TAFA2: variants seen among roughly 807,000 people sequenced by gnomAD.
TAFA2 encodes TAFA chemokine like family member 2, also known as chemokine-like protein TAFA-2.
In TAFA2, 7 loss-of-function variants were observed where a neutral mutation model predicts 18.8. The ratio of observed to expected loss-of-function variants is 0.37; its 90% CI spans 0.21 to 0.70. The LOEUF is 0.70. TAFA2 is among the 30% of genes least tolerant of loss of function. The pLI is 0.53. For synonymous variants in TAFA2, 60 were observed against 54.2 expected (o/e 1.11, Z -0.47); for missense variants, 122 against 158.1 (o/e 0.77, Z 1.23).
chr12:61,951,760 T>C (rs1878475489), intron 1 of TAFA2, among the ~76,000 whole-genome samples: 3 of 152,100 alleles, frequency 2.0e-5, no homozygotes, highest in South Asian at 4.1e-4. Context: ...TACACAAAGC[T>C]AACAATGTGC....
Position 62,101,516 on chromosome 12 carries a change from T to C in TAFA2, c.-2+89743A>G, listed in dbSNP as rs563863347. Among the ~76,000 whole-genome samples, 4 of 152,314 alleles carry C rather than the reference T, an allele frequency of 2.6e-5. No homozygotes were observed. In the East Asian group the frequency reaches 7.7e-4, roughly 29 times the overall value. On this transcript the variant is annotated intron_variant, in intron 1 of 4. Transcript: ENST00000416284. ...TCCATAAGCCCAAACGTAACTCTTA[T>C]TCAGAAAGGTAAACACTGTAGAGTT...
intron 1 of TAFA2, among the ~76,000 whole-genome samples, chr12:62,240,775 G>A (rs2136989551): frequency 6.6e-6 from 1 of 152,294 alleles, no homozygotes; most frequent in South Asian, 2.1e-4. Flanking sequence ...CCAGACTGCA[G>A]AGCAGGAAGT....
At chr12:61,861,006 A>G (rs1199980188) in intron 2 of TAFA2, among the ~76,000 whole-genome samples, 1 of 152,180 alleles carries the variant, frequency 6.6e-6, no homozygotes, top group Non-Finnish European at 1.5e-5. Context: ...GCTGGAGTGC[A>G]GTGGTACAAT....
chr12:62,239,813 T>C (rs768945759), intron 1 of TAFA2, among the ~76,000 whole-genome samples: 16 of 152,198 alleles, frequency 1.1e-4, no homozygotes, highest in Non-Finnish European at 1.9e-4. Context: ...CCCCATCTGA[T>C]GCTGCATGAA....
In TAFA2 at chr12:62,254,326, T is replaced by C. The variant is rs572375897; in HGVS notation, c.-130+4437A>G. Among the ~76,000 whole-genome samples the C allele has an allele frequency of 1.5e-4, 23 of 152,340 alleles. 2 individuals are homozygous for C. In the South Asian group the frequency reaches 4.6e-3, roughly 30 times the overall value. ...TAAAAGAAGTCTAGTATCACTATTT[T>C]ACAGATGAGAAAACTAATGTTTCCA... On this transcript the variant is annotated intron_variant, in intron 1 of 5. Transcript: ENST00000551619.
chr12:62,028,312 A>G (rs547179221), intron 1 of TAFA2, among the ~76,000 whole-genome samples: 1 of 152,280 alleles, frequency 6.6e-6, no homozygotes, highest in East Asian at 1.9e-4. Flanking sequence ...AGAACCAGCT[A>G]GACCCGTGAC....
intron 2 of TAFA2, among the ~76,000 whole-genome samples, chr12:61,784,665 G>C (rs1041073412): frequency 4.0e-5 from 6 of 148,914 alleles, no homozygotes; most frequent in African/African-American, 1.2e-4. Flanking sequence ...CTAAGTAGGA[G>C]TTTTGATGTA....
intron 1 of TAFA2, among the ~76,000 whole-genome samples, chr12:62,002,602 A>T (rs1880415548): frequency 6.6e-6 from 1 of 152,108 alleles, no homozygotes; most frequent in African/African-American, 2.4e-5. Context: ...ATTTCCACTT[A>T]TTGCTTGACA....
chr12:61,904,909 G>A (rs1317274824), intron 1 of TAFA2, among the ~76,000 whole-genome samples: 2 of 152,096 alleles, frequency 1.3e-5, no homozygotes, highest in African/African-American at 4.8e-5. Context: ...TCAATAAAAT[G>A]TTACAAAAAT....
intron 2 of TAFA2, among the ~76,000 whole-genome samples, chr12:61,847,203 C>CA (rs1170119531): frequency 6.6e-6 from 1 of 152,224 alleles, no homozygotes; most frequent in Non-Finnish European, 1.5e-5. Context: ...CACATGCACA[C>CA]ATTTTGTCCC....
intron 4 of TAFA2, among the ~76,000 whole-genome samples, chr12:61,742,573 T>C (rs985619624): frequency 3.3e-5 from 5 of 152,126 alleles, no homozygotes; most frequent in Non-Finnish European, 5.9e-5. Context: ...TGTTAAAATG[T>C]CTTTGACGCT....
rs547581214 is a variant in TAFA2 at position 62,018,661 on chromosome 12, A to T, written c.-1-151235T>A. Among the ~76,000 whole-genome samples the T allele has an allele frequency of 5.9e-5, 9 of 152,336 alleles. No homozygotes were observed. In the East Asian group the frequency reaches 1.5e-3, roughly 26 times the overall value. ...ACTGGATCCCTTCCTTACACCTTAT[A>T]CAAAAATTAATTCAAGATGGATTAA... On this transcript the variant is annotated intron_variant, in intron 1 of 4. Transcript: ENST00000416284.
chr12:61,735,153 C>G (rs1000760667), intron 4 of TAFA2, among the ~76,000 whole-genome samples: 1 of 152,114 alleles, frequency 6.6e-6, no homozygotes, highest in East Asian at 1.9e-4. Context: ...ATGTGGTTTC[C>G]TCCTGAGGAA....
intron 2 of TAFA2, among the ~76,000 whole-genome samples, chr12:61,797,949 A>T (rs1182206816): frequency 6.6e-6 from 1 of 152,192 alleles, no homozygotes; most frequent in Non-Finnish European, 1.5e-5. Flanking sequence ...GTGTCTACTC[A>T]TATAGAAATG....
rs1882072087 is a variant in TAFA2 at position 62,052,182 on chromosome 12, ATGTGTGCATGCGTGCG to A, written c.-2+139061_-2+139076del. On this transcript the variant is annotated intron_variant, in intron 1 of 4. Transcript: ENST00000416284. Reference sequence around the variant, plus strand: ...CCTTCTCCTTCTTTTGTGTGTGTGCATGTGTGCATGCGTGCGTGTGTGCATGTGTGTGTGAGAGAGA... The same window carrying A: ...CCTTCTCCTTCTTTTGTGTGTGTGCATGTGTGCATGTGTGTGTGAGAGAGA... Among the ~76,000 whole-genome samples, 3 of 50,884 alleles carry A rather than the reference ATGTGTGCATGCGTGCG, an allele frequency of 5.9e-5. No individual in the cohort carries two copies. The South Asian group carries it at 1.5e-3, about 26-fold the overall frequency. The allele number at this position is 50,884 out of a possible 152,430, so 33.4% of individuals were successfully genotyped here. A position where few individuals can be genotyped will look rare whatever the true frequency, so the allele number is the denominator to read the frequency against.
chr12:61,761,931 C>T (rs1005736711), intron 2 of TAFA2, among the ~76,000 whole-genome samples: 2 of 151,964 alleles, frequency 1.3e-5, no homozygotes, highest in African/African-American at 2.4e-5. Flanking sequence ...TCCCCCTAGT[C>T]CTGTTCTTGT....
intron 1 of TAFA2, among the ~76,000 whole-genome samples, chr12:62,126,385 G>A (rs554492291): frequency 1.7e-4 from 26 of 152,114 alleles, no homozygotes; most frequent in Admixed American, 5.9e-4. Flanking sequence ...CATATATTTC[G>A]TTCCAGATTA....
chr12:62,118,404 G>T (rs1298953660), intron 1 of TAFA2, among the ~76,000 whole-genome samples: 2 of 151,836 alleles, frequency 1.3e-5, no homozygotes, highest in Non-Finnish European at 2.9e-5. Context: ...TTGTTTCCAG[G>T]CTATTCCATT....
intron 1 of TAFA2, among the ~76,000 whole-genome samples, chr12:62,172,107 T>C (rs1187549005): frequency 6.6e-6 from 1 of 152,198 alleles, no homozygotes; most frequent in Non-Finnish European, 1.5e-5. Context: ...AAAAACAGTA[T>C]AGATCATGAG....
Sources: allele counts gnomAD v4.1 joint callset (sites outside exome capture counted in the v4.1 genomes callset), GRCh38; gene constraint gnomAD v4.1.1; transcripts MANE v1.5; gene names NCBI Gene and HGNC (gene_info 2026-07-23, HGNC 2026-07-21).